Variants in GPRC5B observed in about 807,000 individuals in gnomAD.
GPRC5B encodes the protein G protein-coupled receptor family C group 5 member B.
A neutral mutation model predicts 30.1 loss-of-function variants in GPRC5B; 16 were observed. The observed-to-expected ratio is 0.53, with a 90% confidence interval of 0.36 to 0.81. GPRC5B has a LOEUF of 0.81. Ranked by LOEUF, GPRC5B falls within the 30% of genes least tolerant of loss-of-function variation. GPRC5B has a pLI of 0.01. For synonymous variants in GPRC5B, 241 were observed against 239.5 expected (o/e 1.01, Z -0.06); for missense variants, 428 against 544.7 (o/e 0.79, Z 2.13).
rs1370967848 is a variant in GPRC5B, at chr16:19,859,012, G to C, written c.*1488C>G. 1 of 154,698 alleles carries C rather than the reference G, an allele frequency of 6.5e-6. No homozygotes were observed. The highest frequency in any genetic ancestry group is 1.4e-5 in the Non-Finnish European group (1 of 69,742). 9.6% of individuals were successfully genotyped at this position (154,698 alleles called of 1,614,324 possible). A position where few individuals can be genotyped will look rare whatever the true frequency, so the allele number is the denominator to read the frequency against. On this transcript the variant is annotated 3_prime_UTR_variant, in exon 4 of 4. Transcript: ENST00000300571. ...GGTTTATTGAAACATACTCAGCTCA[G>C]ACGTACTGGCTTATGAAGCGGTCAG...
rs1282457932 is a variant in GPRC5B at position 19,872,894 on chromosome 16, C to T, written c.-1-48G>A. On this transcript the variant is annotated intron_variant, in intron 1 of 3. Transcript: ENST00000300571. The surrounding 1 kb of genome is among the most constrained non-coding windows in gnomAD (Gnocchi z 5.0). ...GGTTGGGGGGAAGGAAAGATGAATT[C>T]ATTGGAAGACTCCCCCTCTCCTGAC... 19 of 1,347,658 alleles carry T rather than the reference C, an allele frequency of 1.4e-5. No individual in the cohort carries two copies. The highest frequency in any genetic ancestry group is 1.9e-5 in the Non-Finnish European group (18 of 955,534). The allele number at this position is 1,347,658 out of a possible 1,614,324, so 83.5% of individuals were successfully genotyped here. A position where few individuals can be genotyped will look rare whatever the true frequency, so the allele number is the denominator to read the frequency against.
chr16:19,861,723 G>T, intron 3 of GPRC5B, 114 bp downstream of exon 3: 1 of 807,408 alleles, frequency 1.2e-6, no homozygotes, highest in Non-Finnish European at 2.1e-6. Flanking sequence ...AGCTGTGGCG[G>T]TCCTTGCAGG....
At chr16:19,869,221 C>T (rs1485210392) in intron 2 of GPRC5B, among the ~76,000 whole-genome samples, 4 of 150,226 alleles carry the variant, frequency 2.7e-5, no homozygotes, top group African/African-American at 7.4e-5. Flanking sequence ...CCCAGCTACT[C>T]GGGAGGCTGA....
intron 1 of GPRC5B, among the ~76,000 whole-genome samples, chr16:19,884,090 C>A (rs757208): frequency 1.4e-5 from 2 of 140,782 alleles, no homozygotes; most frequent in African/African-American, 2.7e-5. Flanking sequence ...ACTGCCCCCC[C>A]CGCCATTGTA....
At chr16:19,862,033 C>A in intron 2 of GPRC5B, 60 bp from the exon 3 acceptor site, 2 of 1,576,792 alleles carry the variant, frequency 1.3e-6, no homozygotes, top group South Asian at 1.1e-5. Flanking sequence ...ATTTTGTTTT[C>A]TTCCCCTGCA....
At chr16:19,881,240 T>C (rs2056804904) in intron 1 of GPRC5B, among the ~76,000 whole-genome samples, 2 of 152,212 alleles carry the variant, frequency 1.3e-5, no homozygotes, top group South Asian at 2.1e-4. Context: ...ATGGGGATAA[T>C]GATAGCGCTG....
chr16:19,872,742 CG>C lies in GPRC5B; in HGVS notation c.103del (p.Arg35GlufsTer34). 6.2e-7 allele frequency: 1 copy of C among 1,613,638 alleles called. No homozygotes were observed. Among genetic ancestry groups the C allele is most frequent in the African/African-American group, 1.3e-5 (1 of 75,054 alleles). ...SVASENASTS[R>X]GCGLDLLPQY... ...AGGGAGGAGGTCCAGCCCACAGCCT[CG>C]GGATGTGCTGGCGTTTTCAGAGGCC... On this transcript the variant is annotated frameshift_variant, in exon 2 of 4. Coordinates refer to ENST00000300571, the MANE Select transcript of GPRC5B (RefSeq NM_016235.3). LOFTEE classifies it high-confidence loss of function. The surrounding 1 kb of genome is among the most constrained non-coding windows in gnomAD (Gnocchi z 5.0).
Position 19,862,612 on chromosome 16 carries a change from AC to A in GPRC5B, c.1031-640del, listed in dbSNP as rs1216074638. Among the ~76,000 whole-genome samples the A allele has an allele frequency of 2.6e-5, 4 of 152,110 alleles. No homozygotes were observed. In the East Asian group the frequency reaches 5.8e-4, roughly 22 times the overall value. Reference sequence around the variant, plus strand: ...GAAAAGACATGGAGGAATCTAACAAACAAAAAAAAAGGGTAGAAGCCGGGCG... The same window carrying A: ...GAAAAGACATGGAGGAATCTAACAAAAAAAAAAAAGGGTAGAAGCCGGGCG... On this transcript the variant is annotated intron_variant, in intron 2 of 3. Transcript: ENST00000300571.
chr16:19,872,899 G>C lies in GPRC5B; in HGVS notation c.-1-53C>G. 7.6e-7 allele frequency: 1 copy of C among 1,322,942 alleles called. No homozygotes were observed. 82.0% of individuals were successfully genotyped at this position (1,322,942 alleles called of 1,614,324 possible). On this transcript the variant is annotated intron_variant, in intron 1 of 3. Transcript: ENST00000300571. The surrounding 1 kb of genome is among the most constrained non-coding windows in gnomAD (Gnocchi z 5.0). ...GGGGGAAGGAAAGATGAATTCATTGGAAGACTCCCCCTCTCCTGACTTCTT... is the reference window on the plus strand; with the variant it reads ...GGGGGAAGGAAAGATGAATTCATTGCAAGACTCCCCCTCTCCTGACTTCTT...
chr16:19,885,310 C>T, upstream of GPRC5B: 2 of 1,251,348 alleles, frequency 1.6e-6, no homozygotes, highest in Non-Finnish European at 2.1e-6. The surrounding 1 kb of genome is among the most constrained non-coding windows in gnomAD (Gnocchi z 5.3). Context: ...CACACCAGCA[C>T]CAGGTCCAGG....
intron 1 of GPRC5B, chr16:19,874,852 T>A (rs1228615310): frequency 8.1e-6 from 1 of 123,232 alleles, no homozygotes; most frequent in Non-Finnish European, 1.6e-5. Context: ...GGCTACCAGC[T>A]CCTTCCCTTT....
Position 19,858,837 on chromosome 16 carries a change from G to A in GPRC5B, c.*1663C>T. 3.1e-6 allele frequency: 1 copy of A among 327,064 alleles called. No individual in the cohort carries two copies. Among genetic ancestry groups the A allele is most frequent in the African/African-American group, 2.1e-5 (1 of 47,248 alleles). 20.3% of individuals were successfully genotyped at this position (327,064 alleles called of 1,614,324 possible). ...GCCATGCGTTTTCTTCCCCATGCGT[G>A]GTAACACAAGGAAATGTACTAACTG... On this transcript the variant is annotated 3_prime_UTR_variant, in exon 4 of 4. Transcript: ENST00000300571.
chr16:19,865,659 G>A lies in GPRC5B; in HGVS notation c.1031-3686C>T, dbSNP rs999789897. 2.0e-5 allele frequency among the ~76,000 whole-genome samples: 3 copies of A among 152,244 alleles called. 1 individual carries two copies. The highest frequency in any genetic ancestry group is 6.8e-3 in the Middle Eastern group (2 of 294). Reference sequence around the variant, plus strand: ...TTTGCAAGGAGTGAATTGATCAAAAGCCTGAAGATGAATGCATAAGAATGT... The same window carrying A: ...TTTGCAAGGAGTGAATTGATCAAAAACCTGAAGATGAATGCATAAGAATGT... On this transcript the variant is annotated intron_variant, in intron 2 of 3. Transcript: ENST00000300571.
intron 1 of GPRC5B, among the ~76,000 whole-genome samples, chr16:19,881,838 T>G (rs1056332819): frequency 6.6e-6 from 1 of 152,196 alleles, no homozygotes; most frequent in Non-Finnish European, 1.5e-5. Context: ...GGCAGAGACG[T>G]CAGGAAAATT....
intron 2 of GPRC5B, among the ~76,000 whole-genome samples, chr16:19,863,256 C>T (rs1286566132): frequency 1.3e-5 from 2 of 151,886 alleles, no homozygotes; most frequent in African/African-American, 4.8e-5. Flanking sequence ...CTCCCAGGCT[C>T]AAGTGGTCCT....
intron 2 of GPRC5B, 29 bp downstream of exon 2, chr16:19,871,787 C>T (rs754164633): frequency 1.3e-6 from 2 of 1,594,546 alleles, no homozygotes; most frequent in East Asian, 4.5e-5. Context: ...GTCCCCCGGC[C>T]TGACCCAGCC....
rs766338650 is a variant in GPRC5B, at chr16:19,872,204, G to A, written c.642C>T (p.Thr214=). The change falls in exon 2 of 4, where the codon ACC becomes ACT. Residue 214 remains threonine (T), a synonymous_variant. Transcript: ENST00000300571. This position sits in a 1 kb window ranked among gnomAD's most constrained non-coding sequence, Gnocchi z 5.0. ...LIYDMVLLVV[T]LGLALFTLCG... is the part of the protein sequence containing the mutation. ...ACAGAGTGAAGAGGGCCAGCCCCAG[G>A]GTGACCACAAGCAGTACCATGTCGT... 11 of 1,614,058 alleles carry A rather than the reference G, an allele frequency of 6.8e-6. No homozygotes were observed. Among genetic ancestry groups the A allele is most frequent in the South Asian group, 3.3e-5 (3 of 91,082 alleles).
At chr16:19,864,039 T>TA (rs1013596299) in intron 2 of GPRC5B, among the ~76,000 whole-genome samples, 12 of 152,136 alleles carry the variant, frequency 7.9e-5, no homozygotes, top group African/African-American at 2.9e-4. Context: ...ACTTGCAACT[T>TA]ACTTCAAGAA....
At chr16:19,861,342 T>A (rs879415506) in intron 3 of GPRC5B, among the ~76,000 whole-genome samples, 15 of 152,210 alleles carry the variant, frequency 9.9e-5, no homozygotes, top group Admixed American at 9.8e-4. Flanking sequence ...CATCAGATAG[T>A]AGTAAACCTG....
Sources: allele counts gnomAD v4.1 joint callset (sites outside exome capture counted in the v4.1 genomes callset), GRCh38; gene constraint gnomAD v4.1.1; non-coding constraint Gnocchi (gnomAD v3.1); transcripts MANE v1.5; gene names NCBI Gene and HGNC (gene_info 2026-07-23, HGNC 2026-07-21).